Variants in ZNF469 observed in about 807,000 individuals in gnomAD.
The protein encoded by ZNF469 is zinc finger protein 469.
In ZNF469, 1 loss-of-function variant was observed where a neutral mutation model predicts 1.0. The observed-to-expected ratio is 1.00, with a 90% confidence interval of 0.35 to 4.73. The LOEUF (loss-of-function observed/expected upper bound fraction) is 4.73. ZNF469 is among the 30% of genes most tolerant of loss of function. ZNF469 has a pLI of 0.16. For synonymous variants in ZNF469, 2,703 were observed against 2,363.4 expected (o/e 1.14, Z -4.17); for missense variants, 6,100 against 5,356.3 (o/e 1.14, Z -4.33).
chr16:88,158,478 C>T, the ZNF469 span, among the ~76,000 whole-genome samples: 2 of 152,108 alleles, frequency 1.3e-5, no homozygotes, highest in Non-Finnish European at 1.5e-5. Context: ...CCTCGGACTC[C>T]GACAGTGGAA....
At chr16:88,127,797 G>A in the ZNF469 span, among the ~76,000 whole-genome samples, 1 of 152,304 alleles carries the variant, frequency 6.6e-6, no homozygotes, top group African/African-American at 2.4e-5. Flanking sequence ...ACTGTGTTTA[G>A]AAGGAAAACT....
the ZNF469 span, among the ~76,000 whole-genome samples, chr16:88,350,108 C>G: frequency 2.0e-4 from 31 of 152,302 alleles, no homozygotes; most frequent in Admixed American, 2.0e-3. Flanking sequence ...CCTCCCGCCC[C>G]CCTTGGGGCG....
the ZNF469 span, among the ~76,000 whole-genome samples, chr16:88,361,241 T>C: frequency 6.6e-6 from 1 of 152,198 alleles, no homozygotes; most frequent in African/African-American, 2.4e-5. Flanking sequence ...GGTGGTAATG[T>C]GAGCCATGGG....
At chr16:88,182,284 T>C in the ZNF469 span, among the ~76,000 whole-genome samples, 1 of 152,132 alleles carries the variant, frequency 6.6e-6, no homozygotes, top group Non-Finnish European at 1.5e-5. Context: ...TCAGTATTGT[T>C]AAGATGTAAA....
the ZNF469 span, among the ~76,000 whole-genome samples, chr16:88,366,162 C>G: frequency 2.9e-4 from 39 of 136,734 alleles, no homozygotes; most frequent in African/African-American, 1.0e-3. Context: ...TCATCATCAC[C>G]ATCATCACCA....
chr16:88,166,972 G>A, the ZNF469 span, among the ~76,000 whole-genome samples: 5 of 151,928 alleles, frequency 3.3e-5, no homozygotes, highest in East Asian at 7.7e-4. This position sits in a 1 kb window ranked among gnomAD's most constrained non-coding sequence, Gnocchi z 4.5. Context: ...TGCAGGTGCC[G>A]GCAGGCAGGA....
chr16:88,344,292 G>GTTCATACC, the ZNF469 span, among the ~76,000 whole-genome samples: 10 of 152,160 alleles, frequency 6.6e-5, no homozygotes, highest in Non-Finnish European at 1.3e-4. Context: ...GTGGACTTCA[G>GTTCATACC]TTCATACCAA....
At chr16:88,143,750 TTGCGGGGAGCGGTCCCGGCTGGA>T in the ZNF469 span, among the ~76,000 whole-genome samples, 1 of 152,262 alleles carries the variant, frequency 6.6e-6, no homozygotes, top group Admixed American at 6.5e-5. Flanking sequence ...AGTCGCAGCC[TTGCGGGGAGCGGTCCCGGCTGGA>T]TGTGTCCTCT....
At chr16:88,265,709 G>T in the ZNF469 span, among the ~76,000 whole-genome samples, 2 of 152,232 alleles carry the variant, frequency 1.3e-5, no homozygotes, top group Non-Finnish European at 2.9e-5. Context: ...ACAGGGTGCT[G>T]CAGGAGCAGA....
At chr16:88,423,574 C>G (rs1316489688) in intron 1 of ZNF469, among the ~76,000 whole-genome samples, 1 of 152,198 alleles carries the variant, frequency 6.6e-6, no homozygotes, top group Non-Finnish European at 1.5e-5. Flanking sequence ...TTCCAAAGGT[C>G]AGGATGCAGG....
chr16:88,321,025 G>A, the ZNF469 span, among the ~76,000 whole-genome samples: 3 of 152,280 alleles, frequency 2.0e-5, no homozygotes, highest in Non-Finnish European at 2.9e-5. Flanking sequence ...CTGCCTTTCA[G>A]TATGAAATGT....
the ZNF469 span, among the ~76,000 whole-genome samples, chr16:88,146,672 G>A: frequency 2.6e-5 from 4 of 152,088 alleles, no homozygotes; most frequent in African/African-American, 9.7e-5. Flanking sequence ...CATTTGTGGG[G>A]GGGCATTCCT....
chr16:88,305,514 ACACATGCACACACACGCT>A, the ZNF469 span, among the ~76,000 whole-genome samples: 1 of 146,628 alleles, frequency 6.8e-6, no homozygotes, highest in African/African-American at 2.6e-5. Context: ...ACACCCTCAC[ACACATGCACACACACGCT>A]CACAGGCACA....
the ZNF469 span, among the ~76,000 whole-genome samples, chr16:88,334,729 C>G: frequency 7.9e-5 from 12 of 152,168 alleles, no homozygotes. Context: ...GGCCTAAATC[C>G]TATGAAAGCG....
chr16:88,171,987 A>C, the ZNF469 span, among the ~76,000 whole-genome samples: 3 of 152,234 alleles, frequency 2.0e-5, no homozygotes, highest in African/African-American at 7.2e-5. Context: ...GACATTGGAC[A>C]ACAGATAGCT....
chr16:88,297,543 C>T, the ZNF469 span, among the ~76,000 whole-genome samples: 10 of 152,184 alleles, frequency 6.6e-5, no homozygotes, highest in Admixed American at 1.3e-4. Context: ...AAGTGGGAAA[C>T]GGAAGCTGTT....
chr16:88,408,770 C>T (rs964521576), intron 1 of ZNF469, among the ~76,000 whole-genome samples: 3 of 152,226 alleles, frequency 2.0e-5, no homozygotes, highest in Non-Finnish European at 2.9e-5. Context: ...CCAGCTGGCC[C>T]GAGAGAGGGG....
At chr16:88,176,045 C>T in the ZNF469 span, among the ~76,000 whole-genome samples, 1 of 152,174 alleles carries the variant, frequency 6.6e-6, no homozygotes, top group African/African-American at 2.4e-5. Flanking sequence ...GGCCCTCTTG[C>T]TTGTAGAAGT....
the ZNF469 span, among the ~76,000 whole-genome samples, chr16:88,119,585 C>T: frequency 2.6e-5 from 4 of 152,240 alleles, no homozygotes; most frequent in East Asian, 5.8e-4. Flanking sequence ...GGTCACGGGG[C>T]CGGCAGCCTG....
Sources: allele counts gnomAD v4.1 joint callset (sites outside exome capture counted in the v4.1 genomes callset), GRCh38; gene constraint gnomAD v4.1.1; non-coding constraint Gnocchi (gnomAD v3.1); transcripts MANE v1.5; gene names NCBI Gene and HGNC (gene_info 2026-07-23, HGNC 2026-07-21).